Variants in PLA2G6 observed in about 807,000 individuals in gnomAD.
PLA2G6 encodes 85/88 kDa calcium-independent phospholipase A2.
In PLA2G6, 62 loss-of-function variants were observed where a neutral mutation model predicts 83.8. That is an observed-to-expected ratio of 0.74 (90% CI 0.60 to 0.91). The LOEUF is 0.91. Among genes scored for constraint, PLA2G6 ranks in the 40% least tolerant of loss-of-function variants. PLA2G6 has a pLI of 0.00. For missense variants in PLA2G6, 944 were observed against 1,102.0 expected, an observed-to-expected ratio of 0.86 and a Z score of 2.03; for synonymous variants, 417 against 449.8, an observed-to-expected ratio of 0.93 and a Z score of 0.92.
At chr22:38,119,928 C>CA (rs1313638265) in intron 12 of PLA2G6, among the ~76,000 whole-genome samples, 1 of 151,894 alleles carries the variant, frequency 6.6e-6, no homozygotes, top group African/African-American at 2.4e-5. Context: ...AAACAAAAAA[C>CA]AAAAAACAAA....
intron 9 of PLA2G6, chr22:38,127,117 TG>T: frequency 9.0e-7 from 1 of 1,116,278 alleles, no homozygotes; most frequent in Non-Finnish European, 1.1e-6. Flanking sequence ...CCCAGGTGCC[TG>T]GTGCAGCAGC....
intron 2 of PLA2G6, among the ~76,000 whole-genome samples, chr22:38,167,151 C>T (rs1055248223): frequency 6.7e-6 from 1 of 149,064 alleles, no homozygotes; most frequent in East Asian, 2.0e-4. Flanking sequence ...TGGCGTGAAC[C>T]TGGGAGGCGG....
intron 5 of PLA2G6, 50 bp from the exon 6 acceptor site, chr22:38,135,134 G>A (rs779362164): frequency 2.3e-6 from 3 of 1,298,070 alleles, no homozygotes; most frequent in Non-Finnish European, 3.4e-6. Context: ...GGTCTGCGTG[G>A]CGTGGGATGA....
chr22:38,162,589 G>A (rs777846637), intron 2 of PLA2G6, among the ~76,000 whole-genome samples: 1 of 152,192 alleles, frequency 6.6e-6, no homozygotes, highest in Non-Finnish European at 1.5e-5. Flanking sequence ...TGTCACTGGC[G>A]ATGATAAAGG....
chr22:38,116,301 G>T, intron 12 of PLA2G6, 90 bp from the exon 13 acceptor site: 1 of 1,388,328 alleles, frequency 7.2e-7, no homozygotes, highest in Non-Finnish European at 1.0e-6. Flanking sequence ...GCCTTGGGTA[G>T]CAGAGTGCCC....
At chr22:38,151,885 C>A (rs963792278) in intron 2 of PLA2G6, among the ~76,000 whole-genome samples, 1 of 152,196 alleles carries the variant, frequency 6.6e-6, no homozygotes, top group African/African-American at 2.4e-5. Flanking sequence ...CAAAGTTTTG[C>A]TCCAGAAGAA....
intron 9 of PLA2G6, chr22:38,127,093 C>A: frequency 9.1e-7 from 1 of 1,103,736 alleles, no homozygotes; most frequent in Non-Finnish European, 1.1e-6. Flanking sequence ...CCCCTCCTGA[C>A]AAGCAGCCCA....
chr22:38,125,325 CGT>C (rs922572239), intron 10 of PLA2G6, among the ~76,000 whole-genome samples: 7 of 151,936 alleles, frequency 4.6e-5, no homozygotes, highest in African/African-American at 1.2e-4. Flanking sequence ...TGCATGTGTG[CGT>C]GTGTGTGTGC....
rs2088001624 is a variant in PLA2G6, at chr22:38,128,402, C to T, written c.1215G>A (p.Leu405=). 6.2e-7 allele frequency: 1 copy of T among 1,613,996 alleles called. No individual in the cohort carries two copies. Among genetic ancestry groups the T allele is most frequent in the African/African-American group, 1.3e-5 (1 of 74,924 alleles). Residue 405 remains leucine (L), a synonymous_variant, in exon 9 of 17, where the codon CTG becomes CTA. Coordinates refer to ENST00000332509, the MANE Select transcript of PLA2G6 (RefSeq NM_003560.4). The surrounding 1 kb of genome is among the most constrained non-coding windows in gnomAD (Gnocchi z 4.4). The stretch of plus-strand genomic sequence containing the variant: ...AGTATTCGGCCCCCACGGTTCTCAG[C>T]AGAGTCAAGATCGCCTTCCTGGTGA... ...RLVTRKAILT[L]LRTVGAEYCF... is the part of the protein sequence containing the mutation.
At chr22:38,147,101 G>T (rs1349562097) in intron 2 of PLA2G6, 1 of 152,112 alleles carries the variant, frequency 6.6e-6, no homozygotes, top group Non-Finnish European at 1.5e-5. Context: ...ATTTTTAAGT[G>T]TTGAGGTTGA....
chr22:38,128,911 A>C lies in PLA2G6; in HGVS notation c.1187-481T>G, dbSNP rs754523495. On this transcript the variant is annotated intron_variant, in intron 8 of 16. Transcript: ENST00000332509. The surrounding 1 kb of genome is among the most constrained non-coding windows in gnomAD (Gnocchi z 4.4). ...CTGGCACACACACACTGCTGCCATC[A>C]GGTACCTGCCCACAGTGACCCCCAC... 1.3e-5 allele frequency among the ~76,000 whole-genome samples: 2 copies of C among 152,240 alleles called. No homozygotes were observed. Among genetic ancestry groups the C allele is most frequent in the Non-Finnish European group, 2.9e-5 (2 of 68,034 alleles).
chr22:38,166,439 G>C (rs1286600141), intron 2 of PLA2G6, among the ~76,000 whole-genome samples: 1 of 152,102 alleles, frequency 6.6e-6, no homozygotes, highest in African/African-American at 2.4e-5. Flanking sequence ...TTAGAAATAA[G>C]ACAAACAAAG....
chr22:38,116,686 C>T (rs1022410614), intron 12 of PLA2G6, among the ~76,000 whole-genome samples: 3 of 151,806 alleles, frequency 2.0e-5, no homozygotes, highest in African/African-American at 7.3e-5. Flanking sequence ...GAAACCCCGT[C>T]TCTACTAATA....
intron 1 of PLA2G6, among the ~76,000 whole-genome samples, chr22:38,174,741 G>A (rs1288198049): frequency 1.3e-5 from 2 of 152,194 alleles, no homozygotes; most frequent in Non-Finnish European, 2.9e-5. Flanking sequence ...CATGAACGGT[G>A]AGCATTTTCA....
chr22:38,145,788 CA>C, intron 2 of PLA2G6, 135 bp from the exon 3 acceptor site: 1 of 281,212 alleles, frequency 3.6e-6, no homozygotes, highest in Non-Finnish European at 6.8e-6. Context: ...CAAGCAAACA[CA>C]CACACACACA....
chr22:38,118,002 C>T, intron 12 of PLA2G6, among the ~76,000 whole-genome samples: 1 of 149,742 alleles, frequency 6.7e-6, no homozygotes. Context: ...CGCCACTGCA[C>T]TCCAGCCTGG....
chr22:38,112,879 TC>T, intron 15 of PLA2G6: 1 of 533,730 alleles, frequency 1.9e-6, no homozygotes, highest in Non-Finnish European at 3.3e-6. Context: ...GAAGTTTCCC[TC>T]CCTCCCTCCT....
At chr22:38,168,781 C>T (rs1390983161) in intron 2 of PLA2G6, among the ~76,000 whole-genome samples, 2 of 152,176 alleles carry the variant, frequency 1.3e-5, no homozygotes, top group African/African-American at 2.4e-5. Flanking sequence ...ACCTGGGAGG[C>T]AGAGGTTGCA....
chr22:38,145,106 A>G, intron 3 of PLA2G6: 2 of 370,574 alleles, frequency 5.4e-6, no homozygotes, highest in South Asian at 2.2e-5. Flanking sequence ...CAGTGGTGCA[A>G]TCATAGCTCA....
Sources: allele counts gnomAD v4.1 joint callset (sites outside exome capture counted in the v4.1 genomes callset), GRCh38; gene constraint gnomAD v4.1.1; non-coding constraint Gnocchi (gnomAD v3.1); transcripts MANE v1.5; gene names NCBI Gene and HGNC (gene_info 2026-07-23, HGNC 2026-07-21).